Variants in KLRG1 observed in about 807,000 individuals in gnomAD.
KLRG1 encodes the protein killer cell lectin like receptor G1.
KLRG1 carries 16 observed loss-of-function variants against 21.8 expected under a neutral mutation model. That is an observed-to-expected ratio of 0.73 (90% CI 0.50 to 1.11). The LOEUF (loss-of-function observed/expected upper bound fraction) is 1.11, where lower values mean the gene tolerates loss of function less well. Among genes scored for constraint, KLRG1 ranks in the 50% most tolerant of loss-of-function variants. The pLI is 0.00. For synonymous variants in KLRG1, 69 were observed against 75.9 expected (o/e 0.91, Z 0.47); for missense variants, 173 against 218.3 (o/e 0.79, Z 1.31).
intron 3 of KLRG1, among the ~76,000 whole-genome samples, chr12:9,003,206 C>G (rs1409403264): frequency 3.3e-5 from 5 of 152,058 alleles, no homozygotes; most frequent in Admixed American, 6.5e-5. Context: ...AATTTCTGAG[C>G]AAATCTTTAT....
At chr12:8,953,792 C>T (rs977196737) in intron 1 of KLRG1, among the ~76,000 whole-genome samples, 1 of 152,108 alleles carries the variant, frequency 6.6e-6, no homozygotes, top group African/African-American at 2.4e-5. Context: ...TAAAAGAGGA[C>T]TCTATGATAC....
At chr12:9,091,488 GAGAGA>G in the KLRG1 span, 2 of 1,553,182 alleles carry the variant, frequency 1.3e-6, no homozygotes, top group Non-Finnish European at 1.8e-6. Flanking sequence ...CCTTTCTAGG[GAGAGA>G]ATCCCTAGGA....
chr12:9,164,409 A>T, the KLRG1 span: 11 of 826,430 alleles, frequency 1.3e-5, no homozygotes, highest in Non-Finnish European at 1.8e-5. Flanking sequence ...TTTAAGAAGC[A>T]TGGCAATGGC....
the KLRG1 span, among the ~76,000 whole-genome samples, chr12:9,063,730 T>A: frequency 2.0e-5 from 3 of 152,226 alleles, no homozygotes; most frequent in Non-Finnish European, 2.9e-5. Context: ...CTGATCATTA[T>A]AATGACCCAG....
At chr12:9,058,464 T>C in the KLRG1 span, 1 of 145,100 alleles carries the variant, frequency 6.9e-6, no homozygotes, top group Non-Finnish European at 1.5e-5. Flanking sequence ...TAAACAAACA[T>C]ATATGTTTTA....
intron 1 of KLRG1, among the ~76,000 whole-genome samples, chr12:8,974,010 C>CT (rs1361214665): frequency 2.6e-5 from 4 of 151,936 alleles, no homozygotes; most frequent in African/African-American, 7.3e-5. Context: ...TTACTTCTTT[C>CT]TTTTTAATTT....
intron 1 of KLRG1, among the ~76,000 whole-genome samples, chr12:8,991,815 C>T (rs972347870): frequency 2.0e-5 from 3 of 152,034 alleles, no homozygotes; most frequent in African/African-American, 7.2e-5. Flanking sequence ...TTTGCACCCG[C>T]GAGTATCTGT....
chr12:9,193,845 A>T, the KLRG1 span, among the ~76,000 whole-genome samples: 12 of 152,216 alleles, frequency 7.9e-5, no homozygotes, highest in Admixed American at 7.9e-4. Flanking sequence ...GATTTTTTTC[A>T]TACTATATAA....
the KLRG1 span, chr12:9,104,104 C>T: frequency 1.2e-6 from 1 of 861,880 alleles, no homozygotes; most frequent in African/African-American, 1.8e-5. Context: ...AAAAAGTTAA[C>T]CTTCAATCGG....
chr12:9,027,659 C>T, the KLRG1 span: 2 of 942,402 alleles, frequency 2.1e-6, no homozygotes, highest in Admixed American at 3.4e-5. Flanking sequence ...AGATTCTTCC[C>T]TTCATGGGTC....
rs556627700 is a variant in KLRG1, at chr12:8,961,472, G to A, written c.-156+11236G>A. Among the ~76,000 whole-genome samples, 604 of 152,220 alleles carry A rather than the reference G, an allele frequency of 4.0e-3. 5 individuals are homozygous for A. The highest frequency in any genetic ancestry group is 7.4e-3 in the Non-Finnish European group (506 of 68,018). On this transcript the variant is annotated intron_variant, in intron 1 of 4. Transcript: ENST00000539240. ...TTGTTGCCCAGACTGGAGTGCAATG[G>A]TGCGATCTCAGCTCACTGCAACCTC... is the stretch of plus-strand genomic sequence containing the variant.
At chr12:9,083,253 TG>T in the KLRG1 span, among the ~76,000 whole-genome samples, 3 of 151,070 alleles carry the variant, frequency 2.0e-5, no homozygotes, top group South Asian at 6.3e-4. Context: ...GGTGAGGGGA[TG>T]GGGGAGGGAT....
the KLRG1 span, among the ~76,000 whole-genome samples, chr12:9,203,085 C>A: frequency 5.3e-5 from 8 of 152,092 alleles, no homozygotes; most frequent in Non-Finnish European, 1.0e-4. Context: ...AATTATGTTG[C>A]ATGCAAAGTT....
the KLRG1 span, chr12:9,194,285 A>G: frequency 6.4e-7 from 1 of 1,571,828 alleles, no homozygotes; most frequent in East Asian, 2.2e-5. Context: ...ACACCCAGAG[A>G]GGACTGAACT....
At chr12:9,030,196 G>A in the KLRG1 span, among the ~76,000 whole-genome samples, 1 of 152,206 alleles carries the variant, frequency 6.6e-6, no homozygotes. Flanking sequence ...GAAGGAAAAG[G>A]TTTGAAGATG....
At chr12:9,036,903 G>T in the KLRG1 span, 1 of 332,992 alleles carries the variant, frequency 3.0e-6, no homozygotes, top group South Asian at 3.4e-5. Flanking sequence ...ACCGGATGGG[G>T]GACTTCGAGC....
the KLRG1 span, chr12:9,090,309 T>C: frequency 6.2e-7 from 1 of 1,613,060 alleles, no homozygotes; most frequent in Non-Finnish European, 8.5e-7. Context: ...CCCACTGCCA[T>C]ATACAATCTT....
At chr12:9,165,172 G>T in the KLRG1 span, 1 of 1,614,086 alleles carries the variant, frequency 6.2e-7, no homozygotes, top group South Asian at 1.1e-5. Context: ...TTAGGACCGT[G>T]GCCTTGAGTG....
the KLRG1 span, among the ~76,000 whole-genome samples, chr12:9,034,115 A>G: frequency 6.6e-6 from 1 of 152,250 alleles, no homozygotes; most frequent in Admixed American, 6.5e-5. Flanking sequence ...CCACAGAAGC[A>G]GAACCAGTAG....
Sources: allele counts gnomAD v4.1 joint callset (sites outside exome capture counted in the v4.1 genomes callset), GRCh38; gene constraint gnomAD v4.1.1; transcripts MANE v1.5; gene names NCBI Gene and HGNC (gene_info 2026-07-23, HGNC 2026-07-21).